The following SKAP2 variants were observed in gnomAD, a reference collection of about 807,000 sequenced individuals.
SKAP2 encodes the protein src kinase associated phosphoprotein 2.
In SKAP2, 28 loss-of-function variants were observed where a neutral mutation model predicts 54.9. That is an observed-to-expected ratio of 0.51 (90% CI 0.38 to 0.70). The LOEUF is 0.70. Ranked by LOEUF, SKAP2 falls within the 30% of genes least tolerant of loss-of-function variation. The probability of loss-of-function intolerance (pLI) is 0.00; values close to 1 mark genes in which losing one functional copy is unlikely to be tolerated. For synonymous variants in SKAP2, 137 were observed against 134.3 expected (o/e 1.02, Z -0.14); for missense variants, 356 against 424.1 (o/e 0.84, Z 1.41).
Position 26,761,618 on chromosome 7 carries a change from G to A in SKAP2, c.308-21654C>T, listed in dbSNP as rs78112169. On this transcript the variant is annotated intron_variant, in intron 4 of 12. Coordinates refer to ENST00000345317, the MANE Select transcript of SKAP2 (RefSeq NM_003930.5). ...GCAATACTAGGGCAATATTATAGGC[G>A]AGGCCAGGCATGGTGGCTCACACCT... Among the ~76,000 whole-genome samples the A allele has an allele frequency of 6.8e-3, 1,030 of 152,264 alleles. 16 individuals are homozygous for A. The highest frequency in any genetic ancestry group is 0.023 in the African/African-American group (965 of 41,566).
At chr7:26,667,067 G>A (rs1304596822), downstream of SKAP2, 1 of 152,144 alleles carries the variant, frequency 6.6e-6, no homozygotes, top group Non-Finnish European at 1.5e-5. Context: ...CATCATAACA[G>A]TTTGCAAACA....
At chr7:26,710,331 C>G (rs1787274356) in intron 9 of SKAP2, among the ~76,000 whole-genome samples, 1 of 152,164 alleles carries the variant, frequency 6.6e-6, no homozygotes, top group Non-Finnish European at 1.5e-5. Context: ...CACATATCAA[C>G]ATTTAAAATG....
intron 11 of SKAP2, among the ~76,000 whole-genome samples, chr7:26,675,778 T>C (rs1200980435): frequency 6.6e-6 from 1 of 152,218 alleles, no homozygotes; most frequent in Admixed American, 6.5e-5. Flanking sequence ...GAGTGGGCGA[T>C]CTGAAGGAGC....
chr7:26,864,530 T>A lies in SKAP2; in HGVS notation c.-101A>T. On this transcript the variant is annotated 5_prime_UTR_variant, in exon 1 of 13. Transcript: ENST00000345317. ...CCTAGACTCAGGCTAGCGGCCCGGA[T>A]TAAGAACAGCGGGGCTACGAGTCGG... is the stretch of plus-strand genomic sequence containing the variant. 6.8e-7 allele frequency: 1 copy of A among 1,481,444 alleles called. No individual in the cohort carries two copies. Among genetic ancestry groups the A allele is most frequent in the Middle Eastern group, 2.4e-4 (1 of 4,112 alleles). The allele number at this position is 1,481,444 out of a possible 1,614,324, so 91.8% of individuals were successfully genotyped here.
At chr7:26,663,902 C>T (rs1261851151), downstream of SKAP2, among the ~76,000 whole-genome samples, 2 of 152,058 alleles carry the variant, frequency 1.3e-5, no homozygotes, top group Non-Finnish European at 2.9e-5. Flanking sequence ...GTCTCCATTG[C>T]GGATCAGCTG....
intron 9 of SKAP2, among the ~76,000 whole-genome samples, chr7:26,698,649 G>A (rs915719900): frequency 2.6e-5 from 4 of 152,208 alleles, no homozygotes; most frequent in Non-Finnish European, 5.9e-5. Context: ...ACCACCAGAT[G>A]CGTAAGAATC....
chr7:26,727,006 T>C lies in SKAP2; in HGVS notation c.470A>G (p.Asp157Gly). 6.3e-7 allele frequency: 1 copy of C among 1,597,104 alleles called. No homozygotes were observed. The highest frequency in any genetic ancestry group is 8.5e-7 in the Non-Finnish European group (1 of 1,173,126). Residue 157 changes from aspartate (D) to glycine (G), a missense_variant and splice_region_variant, in exon 7 of 13, where the codon GAC becomes GGC. Physicochemically the swap from Asp to Gly is moderately conservative, Grantham distance 94 (BLOSUM62 -1). Transcript: ENST00000345317. ...TGCAAATTCACCTTTCTGTTGTTTGTCTGTTGAAGATAAAACCAGTTAGAA... is the reference window on the plus strand; with the variant it reads ...TGCAAATTCACCTTTCTGTTGTTTGCCTGTTGAAGATAAAACCAGTTAGAA... ...TVFYYYGSDK[D>G]KQQKGEFAID...
At chr7:26,781,958 T>A (rs1271981311) in intron 4 of SKAP2, among the ~76,000 whole-genome samples, 3 of 152,222 alleles carry the variant, frequency 2.0e-5, no homozygotes, top group Non-Finnish European at 4.4e-5. Flanking sequence ...AGTTTCCCTG[T>A]TAGCATCATG....
chr7:26,693,875 T>C (rs1786840455), intron 9 of SKAP2, among the ~76,000 whole-genome samples: 1 of 152,174 alleles, frequency 6.6e-6, no homozygotes, highest in Non-Finnish European at 1.5e-5. Flanking sequence ...GTGTATGTTT[T>C]TGAATCTTAG....
chr7:26,806,946 T>C (rs896044490), intron 4 of SKAP2, among the ~76,000 whole-genome samples: 6 of 152,202 alleles, frequency 3.9e-5, no homozygotes, highest in Middle Eastern at 3.2e-3. Flanking sequence ...CCAACTCTTA[T>C]GGATGACTTA....
At chr7:26,766,014 A>T (rs1783043431) in intron 4 of SKAP2, among the ~76,000 whole-genome samples, 1 of 152,188 alleles carries the variant, frequency 6.6e-6, no homozygotes, top group Admixed American at 6.5e-5. Context: ...GAAGAAAGTC[A>T]ATGGTAGCTT....
At chr7:26,805,056 G>A (rs539996952) in intron 4 of SKAP2, among the ~76,000 whole-genome samples, 2 of 151,908 alleles carry the variant, frequency 1.3e-5, no homozygotes, top group African/African-American at 2.4e-5. Flanking sequence ...TTTTAACAGG[G>A]GTTAGTTTTG....
At chr7:26,848,227 T>A (rs762043456) in intron 3 of SKAP2, among the ~76,000 whole-genome samples, 1 of 152,234 alleles carries the variant, frequency 6.6e-6, no homozygotes, top group Non-Finnish European at 1.5e-5. Flanking sequence ...GAAGCTGATT[T>A]ACCCAATTTG....
intron 4 of SKAP2, among the ~76,000 whole-genome samples, chr7:26,839,344 ATAC>A (rs1279009320): frequency 6.6e-6 from 1 of 152,106 alleles, no homozygotes; most frequent in Admixed American, 6.6e-5. Context: ...AAACTGTGCT[ATAC>A]ACATAGCACA....
intron 4 of SKAP2, among the ~76,000 whole-genome samples, chr7:26,839,661 CCT>C (rs1491151036): frequency 6.6e-6 from 1 of 151,870 alleles, no homozygotes; most frequent in Non-Finnish European, 1.5e-5. Flanking sequence ...TTGAAAAAAA[CCT>C]TTTTTTCCAG....
At chr7:26,863,198 C>A (rs1221794353) in intron 1 of SKAP2, among the ~76,000 whole-genome samples, 1 of 152,064 alleles carries the variant, frequency 6.6e-6, no homozygotes, top group Non-Finnish European at 1.5e-5. Context: ...ATTAATAATG[C>A]CAAGCACCAA....
chr7:26,717,800 C>A (rs912533749), intron 9 of SKAP2, among the ~76,000 whole-genome samples: 2 of 150,234 alleles, frequency 1.3e-5, no homozygotes, highest in Non-Finnish European at 3.0e-5. Flanking sequence ...CCGCTGCACT[C>A]CAGAATGGGT....
chr7:26,734,900 T>C (rs901118906), intron 6 of SKAP2, among the ~76,000 whole-genome samples: 1 of 152,174 alleles, frequency 6.6e-6, no homozygotes, highest in Non-Finnish European at 1.5e-5. Context: ...GAGGTACACA[T>C]ACATTCACAC....
intron 4 of SKAP2, among the ~76,000 whole-genome samples, chr7:26,821,663 C>A (rs1343601206): frequency 6.6e-6 from 1 of 152,172 alleles, no homozygotes; most frequent in East Asian, 1.9e-4. Flanking sequence ...GCTCAACAAA[C>A]TTGATCTTTC....
Sources: allele counts gnomAD v4.1 joint callset (sites outside exome capture counted in the v4.1 genomes callset), GRCh38; gene constraint gnomAD v4.1.1; transcripts MANE v1.5; gene names NCBI Gene and HGNC (gene_info 2026-07-23, HGNC 2026-07-21).